RUNX1T1: variants seen among roughly 807,000 people sequenced by gnomAD.
RUNX1T1 encodes protein CBFA2T1.
A neutral mutation model predicts 62.8 loss-of-function variants in RUNX1T1; 4 were observed. That is an observed-to-expected ratio of 0.06 (90% CI 0.03 to 0.15). The LOEUF (loss-of-function observed/expected upper bound fraction) is 0.15. Among genes scored for constraint, RUNX1T1 ranks in the 10% least tolerant of loss-of-function variants. The pLI is 1.00. For missense variants in RUNX1T1, 508 were observed against 754.3 expected, an observed-to-expected ratio of 0.67 and a Z score of 3.82; for synonymous variants, 291 against 286.0, an observed-to-expected ratio of 1.02 and a Z score of -0.18.
chr8:92,028,320 T>C (rs1267384494), intron 1 of RUNX1T1, among the ~76,000 whole-genome samples: 2 of 151,942 alleles, frequency 1.3e-5, no homozygotes, highest in Non-Finnish European at 2.9e-5. Flanking sequence ...ACTCATTTCA[T>C]GAAGTAAGGA....
intron 5 of RUNX1T1, chr8:91,994,363 T>G (rs923389754): frequency 4.9e-6 from 1 of 205,280 alleles, no homozygotes; most frequent in African/African-American, 2.3e-5. Context: ...TAATCTGTAT[T>G]TGCATATCCC....
chr8:92,100,699 TAAAGG>T (rs1392342416), upstream of RUNX1T1, among the ~76,000 whole-genome samples: 1 of 151,870 alleles, frequency 6.6e-6, no homozygotes, highest in Non-Finnish European at 1.5e-5. Context: ...AAAAAATCAG[TAAAGG>T]AAAAAAACGA....
intron 1 of RUNX1T1, among the ~76,000 whole-genome samples, chr8:92,027,969 C>T (rs894527774): frequency 4.0e-5 from 6 of 151,066 alleles, no homozygotes; most frequent in Non-Finnish European, 8.8e-5. Flanking sequence ...ATGTCAGCTT[C>T]GTGAACAGAG....
At chr8:92,009,079 G>C (rs1432863001) in intron 4 of RUNX1T1, among the ~76,000 whole-genome samples, 1 of 152,114 alleles carries the variant, frequency 6.6e-6, no homozygotes, top group Non-Finnish European at 1.5e-5. Flanking sequence ...AAATTTAAAC[G>C]TATGGATGGT....
chr8:92,028,454 C>G (rs944149119), intron 1 of RUNX1T1, among the ~76,000 whole-genome samples: 2 of 152,092 alleles, frequency 1.3e-5, no homozygotes, highest in African/African-American at 4.8e-5. Context: ...GCTTCTTATT[C>G]TAATCACCAC....
At chr8:92,050,836 G>C (rs188182577) in intron 1 of RUNX1T1, among the ~76,000 whole-genome samples, 35 of 152,244 alleles carry the variant, frequency 2.3e-4, no homozygotes, top group African/African-American at 8.2e-4. Context: ...GACATGCTTA[G>C]AATAAATCCC....
chr8:91,992,495 C>T (rs1483968029), intron 5 of RUNX1T1, among the ~76,000 whole-genome samples: 1 of 152,214 alleles, frequency 6.6e-6, no homozygotes, highest in Non-Finnish European at 1.5e-5. Flanking sequence ...TGGCCAGTGG[C>T]TTCAGTAGTG....
intron 5 of RUNX1T1, among the ~76,000 whole-genome samples, chr8:91,992,957 T>A (rs1817961370): frequency 6.6e-6 from 1 of 152,192 alleles, no homozygotes; most frequent in Non-Finnish European, 1.5e-5. Context: ...CCCTAATATA[T>A]TCAATAAGAT....
chr8:91,962,474 ATTAAT>A (rs1325422886), intron 10 of RUNX1T1, among the ~76,000 whole-genome samples: 9 of 152,228 alleles, frequency 5.9e-5, no homozygotes, highest in Non-Finnish European at 1.2e-4. Context: ...TCCTACTTCA[ATTAAT>A]TTAAGAAACT....
chr8:91,974,952 CA>C lies in RUNX1T1; in HGVS notation c.1267+952del, dbSNP rs1461560721. Among the ~76,000 whole-genome samples, 7 of 152,236 alleles carry C rather than the reference CA, an allele frequency of 4.6e-5. No individual in the cohort carries two copies. The East Asian group carries it at 1.4e-3, about 29-fold the overall frequency. Reference sequence around the variant, plus strand: ...CTACAAACACAGCTGAGTGAAATCCCAAAGAGAAATCTTCTGTAGAAAAAAA... The same window carrying C: ...CTACAAACACAGCTGAGTGAAATCCCAAGAGAAATCTTCTGTAGAAAAAAA... On this transcript the variant is annotated intron_variant, in intron 9 of 10. Coordinates refer to ENST00000396218, the Ensembl canonical transcript of RUNX1T1.
intron 8 of RUNX1T1, among the ~76,000 whole-genome samples, chr8:91,978,483 A>G (rs571776915): frequency 6.6e-6 from 1 of 152,274 alleles, no homozygotes; most frequent in Non-Finnish European, 1.5e-5. Context: ...TTTAAAGTTT[A>G]TCTTTTCTCT....
At chr8:91,982,911 GA>G (rs1349020572) in intron 8 of RUNX1T1, among the ~76,000 whole-genome samples, 1 of 145,600 alleles carries the variant, frequency 6.9e-6, no homozygotes, top group Admixed American at 7.0e-5. Context: ...AATATCTTAG[GA>G]AAATACTTTT....
chr8:92,010,731 T>C (rs1821757777), intron 4 of RUNX1T1: 4 of 292,294 alleles, frequency 1.4e-5, no homozygotes, highest in Non-Finnish European at 2.5e-5. Flanking sequence ...TAAAATAACA[T>C]ATCTCATATG....
intron 1 of RUNX1T1, chr8:92,095,700 G>T (rs1030996711): frequency 2.7e-6 from 2 of 734,110 alleles, no homozygotes; most frequent in Non-Finnish European, 4.0e-6. Context: ...AGGAGGGGGC[G>T]GGGGCTCAGA....
At chr8:92,098,088 CATTA>C (rs1458799811) in intron 1 of RUNX1T1, among the ~76,000 whole-genome samples, 1 of 152,174 alleles carries the variant, frequency 6.6e-6, no homozygotes, top group African/African-American at 2.4e-5. Flanking sequence ...AGTTTTGAAG[CATTA>C]ATTCAGATAA....
At chr8:92,088,400 T>C (rs997246346) in intron 1 of RUNX1T1, among the ~76,000 whole-genome samples, 3 of 152,212 alleles carry the variant, frequency 2.0e-5, no homozygotes, top group Admixed American at 6.5e-5. Flanking sequence ...ATAGTACTTC[T>C]AGTTTAAGCT....
At chr8:92,051,756 G>C (rs924113706) in intron 1 of RUNX1T1, among the ~76,000 whole-genome samples, 6 of 152,020 alleles carry the variant, frequency 3.9e-5, no homozygotes, top group African/African-American at 1.4e-4. Context: ...GGTATGCAAG[G>C]GATGTTTCCT....
intron 1 of RUNX1T1, 58 bp from the exon 3 acceptor site, chr8:92,017,421 G>C: frequency 1.9e-6 from 3 of 1,613,288 alleles, no homozygotes; most frequent in Non-Finnish European, 1.7e-6. Flanking sequence ...AGTTTTTCAA[G>C]TGGGGTTTAT....
chr8:92,010,049 G>A (rs1187191414), intron 4 of RUNX1T1: 2 of 152,150 alleles, frequency 1.3e-5, no homozygotes, highest in Non-Finnish European at 2.9e-5. Flanking sequence ...TTATGTGTCT[G>A]ATACAGTTTT....
Sources: gnomAD v4.1 joint callset for allele counts (sites outside exome capture counted in the v4.1 genomes callset) on GRCh38, gnomAD v4.1.1 for gene constraint, MANE v1.5 for transcripts, NCBI Gene and HGNC (gene_info 2026-07-23, HGNC 2026-07-21) for gene names.